TMEM65: variants seen among roughly 807,000 people sequenced by gnomAD.
TMEM65 encodes the protein transmembrane protein 65.
TMEM65 carries 22 observed loss-of-function variants against 25.4 expected under a neutral mutation model. The observed-to-expected ratio is 0.86, with a 90% confidence interval of 0.62 to 1.23. The LOEUF (loss-of-function observed/expected upper bound fraction) is 1.23, where lower values mean the gene tolerates loss of function less well. Among genes scored for constraint, TMEM65 ranks in the 50% most tolerant of loss-of-function variants. The pLI, the probability that TMEM65 is intolerant of heterozygous loss-of-function variation, is 0.00. For missense variants in TMEM65, 262 were observed against 308.2 expected (o/e 0.85, Z 1.12); for synonymous variants, 132 against 126.2 (o/e 1.05, Z -0.31).
At chr8:124,365,522 T>A (rs536116247) in intron 1 of TMEM65, among the ~76,000 whole-genome samples, 1 of 152,184 alleles carries the variant, frequency 6.6e-6, no homozygotes, top group East Asian at 1.9e-4. Context: ...GGATGAATAA[T>A]GGCCCCCAAA....
At chr8:124,315,390 C>T (rs1338198161) in intron 6 of TMEM65, among the ~76,000 whole-genome samples, 5 of 151,046 alleles carry the variant, frequency 3.3e-5, no homozygotes, top group African/African-American at 1.2e-4. Context: ...GATGTAATCT[C>T]GACTCACTGC....
intron 1 of TMEM65, among the ~76,000 whole-genome samples, chr8:124,355,460 C>T (rs1056016473): frequency 6.6e-6 from 1 of 152,168 alleles, no homozygotes; most frequent in Non-Finnish European, 1.5e-5. Context: ...CCTTGCTATT[C>T]AAAATATGGT....
intron 1 of TMEM65, among the ~76,000 whole-genome samples, chr8:124,337,447 A>T (rs1814526720): frequency 6.6e-6 from 1 of 151,988 alleles, no homozygotes; most frequent in South Asian, 2.1e-4. Context: ...GGCAAAAATA[A>T]CCAACATCCA....
At chr8:124,367,887 G>C (rs1311353761) in intron 1 of TMEM65, among the ~76,000 whole-genome samples, 1 of 152,220 alleles carries the variant, frequency 6.6e-6, no homozygotes, top group Non-Finnish European at 1.5e-5. Flanking sequence ...ACCTAACATT[G>C]ATAGAAAAAC....
Position 124,372,282 on chromosome 8 carries a change from G to T in TMEM65, c.-125C>A, listed in dbSNP as rs1216789721. On this transcript the variant is annotated 5_prime_UTR_variant, in exon 1 of 7. Coordinates refer to ENST00000297632, the MANE Select transcript of TMEM65 (RefSeq NM_194291.3). ...GGTCCTCCTGCCAGGCAGCCGAGGC[G>T]CCGGGCACCATGCACTCCGCGGGCC... 2 of 957,352 alleles carry T rather than the reference G, an allele frequency of 2.1e-6. No homozygotes were observed. The highest frequency in any genetic ancestry group is 2.9e-5 in the South Asian group (1 of 35,072). 59.3% of individuals were successfully genotyped at this position (957,352 alleles called of 1,614,324 possible).
rs776835183 is a variant in TMEM65, at chr8:124,322,132, T to A, written c.488A>T (p.Asn163Ile). The change falls in exon 5 of 7, where the codon AAT becomes ATT. Residue 163 changes from asparagine (N) to isoleucine (I), a missense_variant. Coordinates refer to ENST00000297632, the MANE Select transcript of TMEM65 (RefSeq NM_194291.3). ...AAGTCCAGCTAGATCTGACACAAGA[T>A]TTCCCAAAGCAGCAGCTAAAAATTT... ...ISTMAAAALG[N>I]LVSDLAGLGL... 6.2e-7 allele frequency: 1 copy of A among 1,608,094 alleles called. No individual in the cohort carries two copies. Among genetic ancestry groups the A allele is most frequent in the Non-Finnish European group, 8.5e-7 (1 of 1,176,662 alleles).
chr8:124,368,286 C>A (rs1262251445), intron 1 of TMEM65, among the ~76,000 whole-genome samples: 2 of 151,432 alleles, frequency 1.3e-5, no homozygotes, highest in Admixed American at 6.6e-5. Context: ...CCCTAAGAGG[C>A]TCCTTTTTTC....
intron 1 of TMEM65, among the ~76,000 whole-genome samples, chr8:124,335,499 A>G (rs1814494345): frequency 6.6e-6 from 1 of 152,176 alleles, no homozygotes; most frequent in South Asian, 2.1e-4. Flanking sequence ...ATGACTGTGT[A>G]ATGCAAAAAT....
Position 124,314,683 on chromosome 8 carries a change from C to T in TMEM65, c.622-622G>A, listed in dbSNP as rs555932245. On this transcript the variant is annotated intron_variant, in intron 6 of 6. Transcript: ENST00000297632. Reference sequence around the variant, plus strand: ...TCTCCCTTTGTCACCTAGGCTGGAACGCAGTGGTATGATCATAACCCACTG... The same window carrying T: ...TCTCCCTTTGTCACCTAGGCTGGAATGCAGTGGTATGATCATAACCCACTG... Among the ~76,000 whole-genome samples, 9 of 152,048 alleles carry T rather than the reference C, an allele frequency of 5.9e-5. No individual in the cohort carries two copies. The East Asian group carries it at 1.2e-3, about 20-fold the overall frequency.
At chr8:124,371,438 C>T (rs575704137) in intron 1 of TMEM65, among the ~76,000 whole-genome samples, 1 of 152,334 alleles carries the variant, frequency 6.6e-6, no homozygotes, top group South Asian at 2.1e-4. Context: ...AGCACTTTCT[C>T]GGAGCAGGCA....
chr8:124,311,636 AAAGTT>A lies in TMEM65; in HGVS notation c.*2319_*2323del, dbSNP rs1192594396. 6.6e-6 allele frequency: 1 copy of A among 152,408 alleles called. No individual in the cohort carries two copies. The highest frequency in any genetic ancestry group is 1.5e-5 in the Non-Finnish European group (1 of 67,994). 9.4% of individuals were successfully genotyped at this position (152,408 alleles called of 1,614,324 possible). ...AACAGTTCCAGTTTCAACCTAAATT[AAAGTT>A]ATTTGTGGCAAGTAACATGAAACAA... On this transcript the variant is annotated 3_prime_UTR_variant, in exon 7 of 7. Coordinates refer to ENST00000297632, the MANE Select transcript of TMEM65 (RefSeq NM_194291.3).
chr8:124,331,331 C>T (rs10090489), intron 1 of TMEM65, among the ~76,000 whole-genome samples: 14,692 of 147,902 alleles, frequency 0.099, 784 homozygotes, highest in East Asian at 0.15. Flanking sequence ...GTTGATATAA[C>T]TGAATATTTT....
At chr8:124,350,389 T>C (rs1814691987) in intron 1 of TMEM65, among the ~76,000 whole-genome samples, 1 of 151,110 alleles carries the variant, frequency 6.6e-6, no homozygotes. Context: ...GACAGAGAGA[T>C]ATTTGTTTTA....
At chr8:124,327,179 A>G (rs924922395) in intron 3 of TMEM65, among the ~76,000 whole-genome samples, 175 bp downstream of exon 3, 1 of 152,056 alleles carries the variant, frequency 6.6e-6, no homozygotes, top group East Asian at 1.9e-4. Context: ...CTTAATGATT[A>G]ATAAATATTA....
chr8:124,333,625 T>G (rs913788794), intron 1 of TMEM65, among the ~76,000 whole-genome samples: 7 of 152,112 alleles, frequency 4.6e-5, no homozygotes. Context: ...CTGAGTAACC[T>G]CTTATCAGAG....
At chr8:124,330,399 G>T (rs1338831017) in intron 2 of TMEM65, among the ~76,000 whole-genome samples, 2 of 151,638 alleles carry the variant, frequency 1.3e-5, no homozygotes, top group Non-Finnish European at 3.0e-5. Flanking sequence ...ATCTCGCCTT[G>T]GGCCTAGAAA....
intron 1 of TMEM65, among the ~76,000 whole-genome samples, chr8:124,352,272 C>T (rs1301471246): frequency 1.3e-5 from 2 of 151,836 alleles, no homozygotes; most frequent in African/African-American, 4.8e-5. Flanking sequence ...GAGATTCATG[C>T]ATATAGAAAT....
intron 1 of TMEM65, among the ~76,000 whole-genome samples, chr8:124,349,315 T>C (rs1814677454): frequency 1.3e-5 from 2 of 150,780 alleles, no homozygotes; most frequent in Admixed American, 1.3e-4. Context: ...CCTCATAAAA[T>C]GTAATTCCCC....
At chr8:124,315,566 C>T (rs1814225857) in intron 6 of TMEM65, among the ~76,000 whole-genome samples, 1 of 152,086 alleles carries the variant, frequency 6.6e-6, no homozygotes, top group Admixed American at 6.6e-5. Context: ...CATGATCCAC[C>T]CGCCTCGGCC....
Sources: gnomAD v4.1 joint callset for allele counts (sites outside exome capture counted in the v4.1 genomes callset) on GRCh38, gnomAD v4.1.1 for gene constraint, MANE v1.5 for transcripts, NCBI Gene and HGNC (gene_info 2026-07-23, HGNC 2026-07-21) for gene names.